Variants in EXOC3 observed in about 807,000 individuals in gnomAD.
The protein encoded by EXOC3 is SEC6-like 1.
Under a neutral mutation model 73.7 loss-of-function variants are expected in EXOC3, and 21 were observed. That is an observed-to-expected ratio of 0.29 (90% CI 0.20 to 0.41). The LOEUF (loss-of-function observed/expected upper bound fraction) is 0.41. EXOC3 is among the 10% of genes least tolerant of loss of function. The probability of loss-of-function intolerance (pLI) is 1.00; values close to 1 mark genes in which losing one functional copy is unlikely to be tolerated. For missense variants in EXOC3, 842 were observed against 985.1 expected, an observed-to-expected ratio of 0.85 and a Z score of 1.95; for synonymous variants, 410 against 389.1, an observed-to-expected ratio of 1.05 and a Z score of -0.63.
chr5:465,381 A>G (rs1332723257), intron 11 of EXOC3, 109 bp downstream of exon 11: 13 of 1,282,828 alleles, frequency 1.0e-5, no homozygotes, highest in Non-Finnish European at 1.2e-5. Flanking sequence ...TGTGTTTGTC[A>G]GGCGGGGGGA....
Position 447,703 on chromosome 5 carries a change from G to A in EXOC3, c.315G>A (p.Gln105=). The part of the protein sequence containing the change: ...SLKDVKDAVV[Q]HSQLAAAVEN... Reference sequence around the variant, plus strand: ...AGGACGTCAAAGACGCCGTGGTGCAGCACAGCCAGCTCGCCGCAGCCGTGG... The same window carrying A: ...AGGACGTCAAAGACGCCGTGGTGCAACACAGCCAGCTCGCCGCAGCCGTGG... The change falls in exon 3 of 13, where the codon CAG becomes CAA. Residue 105 remains glutamine, a synonymous_variant. Transcript: ENST00000512944. 1 of 1,588,032 alleles carries A rather than the reference G, an allele frequency of 6.3e-7. No individual in the cohort carries two copies.
Position 465,732 on chromosome 5 carries a change from C to T in EXOC3, c.1953C>T (p.Asp651=), listed in dbSNP as rs372926707. Residue 651 remains aspartate, a synonymous_variant, in exon 12 of 13, where the codon GAC becomes GAT. Coordinates refer to ENST00000512944, the MANE Select transcript of EXOC3 (RefSeq NM_007277.5). ...CTGCCTTCCAGGGTTTCGGGGAAGA[C>T]GTGGACGGATACTGCGACACCATCG... is the stretch of plus-strand genomic sequence containing the variant. The part of the protein sequence containing the change: ...FRKLASGFGE[D]VDGYCDTIVA... 1.4e-5 allele frequency: 23 copies of T among 1,613,722 alleles called. 1 individual carries two copies. Among genetic ancestry groups the T allele is most frequent in the Non-Finnish European group, 1.9e-5 (22 of 1,179,862 alleles).
At chr5:454,578 G>A (rs144194574) in intron 4 of EXOC3, among the ~76,000 whole-genome samples, 6 of 152,320 alleles carry the variant, frequency 3.9e-5, no homozygotes, top group African/African-American at 1.4e-4. Context: ...TAGATAGTTC[G>A]AGGAAACTCC....
chr5:447,848 G>A (rs1737550985), intron 3 of EXOC3, 96 bp downstream of exon 3: 1 of 785,110 alleles, frequency 1.3e-6, no homozygotes, highest in Non-Finnish European at 2.0e-6. Context: ...AGCCCGCACT[G>A]TAGACCTGTA....
Position 445,418 on chromosome 5 carries a change from C to T in EXOC3, c.-56-732C>T, listed in dbSNP as rs575446247. ...AGGCTGGAGTGCAGTGGCGCGATCTCGGCTGACTGCAAGCTCCGCCTCCGG... is the reference window on the plus strand; with the variant it reads ...AGGCTGGAGTGCAGTGGCGCGATCTTGGCTGACTGCAAGCTCCGCCTCCGG... On this transcript the variant is annotated intron_variant, in intron 1 of 12. Transcript: ENST00000512944. Among the ~76,000 whole-genome samples the T allele has an allele frequency of 6.8e-5, 10 of 147,080 alleles. No individual in the cohort carries two copies. The East Asian group carries it at 9.9e-4, about 15-fold the overall frequency.
intron 1 of EXOC3, among the ~76,000 whole-genome samples, chr5:444,553 G>T (rs552993239): frequency 6.6e-6 from 1 of 152,350 alleles, no homozygotes; most frequent in South Asian, 2.1e-4. Flanking sequence ...AAATGCTGAT[G>T]ATAATGTCCA....
intron 9 of EXOC3, 101 bp from the exon 10 acceptor site, chr5:464,189 C>CTG: frequency 8.5e-7 from 1 of 1,174,012 alleles, no homozygotes; most frequent in Non-Finnish European, 1.2e-6. Flanking sequence ...GCACGCAGCT[C>CTG]TCGTGGGGCG....
At chr5:462,337 T>C (rs770675110) in intron 9 of EXOC3, 30 bp downstream of exon 9, 3 of 1,613,368 alleles carry the variant, frequency 1.9e-6, no homozygotes. Context: ...CCTGCCGTTT[T>C]CTGGGCCGAA....
Position 462,274 on chromosome 5 carries a change from C to T in EXOC3, c.1620C>T (p.Ser540=), listed in dbSNP as rs765603186. 7.4e-6 allele frequency: 12 copies of T among 1,613,848 alleles called. No homozygotes were observed. Among genetic ancestry groups the T allele is most frequent in the South Asian group, 1.1e-5 (1 of 91,088 alleles). ...ILDAIAKEGC[S]GLLEEVFLDL... ...ACGCCATCGCGAAGGAGGGCTGCAGCGGTTTGCTGGAGGAGGTCTTCCTGG... is the reference window on the plus strand; with the variant it reads ...ACGCCATCGCGAAGGAGGGCTGCAGTGGTTTGCTGGAGGAGGTCTTCCTGG... Residue 540 remains serine, a synonymous_variant, in exon 9 of 13, where the codon AGC becomes AGT. Coordinates refer to ENST00000512944, the MANE Select transcript of EXOC3 (RefSeq NM_007277.5).
chr5:444,006 C>A (rs79703785), intron 1 of EXOC3, among the ~76,000 whole-genome samples: 2,876 of 152,016 alleles, frequency 0.019, 92 homozygotes, highest in African/African-American at 0.063. Flanking sequence ...CACAGGTGTT[C>A]CCCTCGGCGC....
In EXOC3 at chr5:465,844, AG is replaced by A. The variant is rs1192461315; in HGVS notation, c.2066+1del. On this transcript the variant is annotated frameshift_variant and splice_region_variant, in exon 12 of 13. Coordinates refer to ENST00000512944, the MANE Select transcript of EXOC3 (RefSeq NM_007277.5). LOFTEE classifies it high-confidence loss of function. ...STLVSKYPDIRDDHIGALLAV... is the reference protein window; with the variant it reads ...STLVSKYPDIXDDHIGALLAV... ...TCTGGTCAGCAAGTATCCAGACATCAGGTAAGGGATGCACGTCTTAGAATCC... is the reference window on the plus strand; with the variant it reads ...TCTGGTCAGCAAGTATCCAGACATCAGTAAGGGATGCACGTCTTAGAATCC... 1 of 1,609,096 alleles carries A rather than the reference AG, an allele frequency of 6.2e-7. No homozygotes were observed. The highest frequency in any genetic ancestry group is 8.5e-7 in the Non-Finnish European group (1 of 1,177,792).
At position 464,452 on chromosome 5, in the gene EXOC3, T is replaced by A; in HGVS notation, c.1776+40T>A. 2 of 1,605,558 alleles carry A rather than the reference T, an allele frequency of 1.2e-6. 1 individual carries two copies. The highest frequency in any genetic ancestry group is 1.7e-6 in the Non-Finnish European group (2 of 1,174,408). On this transcript the variant is annotated intron_variant, in intron 10 of 12. Transcript: ENST00000512944. The stretch of plus-strand genomic sequence containing the variant: ...CCTAGTTCCCTCATCACCTTGACGC[T>A]AGGGCTCACCTCTCACCCTGCTCAG...
chr5:462,321 T>C lies in EXOC3; in HGVS notation c.1653+14T>C. On this transcript the variant is annotated intron_variant, in intron 9 of 12. Coordinates refer to ENST00000512944, the MANE Select transcript of EXOC3 (RefSeq NM_007277.5). ...CTGGACCTGGAGGTGGGCCTGGCTC[T>C]TTCCTCCTGCCGTTTTCTGGGCCGA... 6.2e-7 allele frequency: 1 copy of C among 1,613,748 alleles called. No individual in the cohort carries two copies. The highest frequency in any genetic ancestry group is 8.5e-7 in the Non-Finnish European group (1 of 1,179,788).
At chr5:456,679 G>A (rs1276219584) in intron 4 of EXOC3, among the ~76,000 whole-genome samples, 3 of 151,298 alleles carry the variant, frequency 2.0e-5, no homozygotes, top group East Asian at 1.9e-4. Flanking sequence ...AGGGACTCAC[G>A]CAGTCTGGGA....
At position 446,337 on chromosome 5, in the gene EXOC3, G is replaced by A. The variant is rs1737505120; in HGVS notation, c.132G>A (p.Glu44=). Residue 44 remains glutamate (E), a synonymous_variant, in exon 2 of 13, where the codon GAG becomes GAA. Coordinates refer to ENST00000512944, the MANE Select transcript of EXOC3 (RefSeq NM_007277.5). Reference sequence around the variant, plus strand: ...AAGCGCGGAAGAAGGCCTCCGTGGAGGCCAGATTGAAGGTGAGGCCACCTG... The same window carrying A: ...AAGCGCGGAAGAAGGCCTCCGTGGAAGCCAGATTGAAGGTGAGGCCACCTG... The part of the protein sequence containing the change: ...RREARKKASV[E]ARLKAAIQSQ... The A allele has an allele frequency of 6.2e-7, 1 of 1,605,700 alleles. No individual in the cohort carries two copies. The highest frequency in any genetic ancestry group is 1.3e-5 in the African/African-American group (1 of 74,738).
rs776096698 is a variant in EXOC3 at position 457,929 on chromosome 5, G to A, written c.1194G>A (p.Ala398=). 14 of 1,609,994 alleles carry A rather than the reference G, an allele frequency of 8.7e-6. No homozygotes were observed. Among genetic ancestry groups the A allele is most frequent in the Middle Eastern group, 1.6e-4 (1 of 6,084 alleles). Residue 398 remains alanine, a synonymous_variant, in exon 6 of 13, where the codon GCG becomes GCA. Transcript: ENST00000512944. The stretch of plus-strand genomic sequence containing the variant: ...ACATCATCGCCTGGCTGCGGAAAGC[G>A]CTGGAGACAGACAAGAAAGACTGGG... ...TSNIIAWLRK[A]LETDKKDWVK... is the part of the protein sequence containing the mutation.
chr5:443,229 G>GGCGGCGGC lies in EXOC3; in HGVS notation c.-117_-116insCGGCGGCG, dbSNP rs1737383001. 7.2e-6 allele frequency: 1 copy of GGCGGCGGC among 138,814 alleles called. No individual in the cohort carries two copies. Among genetic ancestry groups the GGCGGCGGC allele is most frequent in the Non-Finnish European group, 1.7e-5 (1 of 59,068 alleles). 8.6% of individuals were successfully genotyped at this position (138,814 alleles called of 1,614,324 possible). ...GCAGCGAAGGCGGAGGGGGCGGCGGGGGCGGCGGCGGCGGCGGCGGCGGCG... is the reference window on the plus strand; with the variant it reads ...GCAGCGAAGGCGGAGGGGGCGGCGGGGCGGCGGCGGCGGCGGCGGCGGCGGCGGCGGCG... On this transcript the variant is annotated 5_prime_UTR_variant, in exon 1 of 13. Transcript: ENST00000512944.
rs1579737399 is a variant in EXOC3, at chr5:453,949, A to G, written c.944A>G (p.Tyr315Cys). The G allele has an allele frequency of 1.9e-6, 3 of 1,613,900 alleles. No individual in the cohort carries two copies. The highest frequency in any genetic ancestry group is 2.2e-5 in the South Asian group (2 of 91,090). The change falls in exon 4 of 13, where the codon TAC becomes TGC. Residue 315 changes from tyrosine (Y) to cysteine (C), a missense_variant. Coordinates refer to ENST00000512944, the MANE Select transcript of EXOC3 (RefSeq NM_007277.5). ...YEIFKNLLNM[Y>C]HQALSTRMQD... ...ATCTTTAAGAACCTCCTGAACATGTACCACCAAGCCCTGAGCACGCGGATG... is the reference window on the plus strand; with the variant it reads ...ATCTTTAAGAACCTCCTGAACATGTGCCACCAAGCCCTGAGCACGCGGATG...
At position 462,289 on chromosome 5, in the gene EXOC3, G is replaced by C; in HGVS notation, c.1635G>C (p.Glu545Asp). 6.2e-7 allele frequency: 1 copy of C among 1,613,966 alleles called. No homozygotes were observed. The highest frequency in any genetic ancestry group is 1.1e-5 in the South Asian group (1 of 91,092). ...AGGGCTGCAGCGGTTTGCTGGAGGA[G>C]GTCTTCCTGGACCTGGAGGTGGGCC... The part of the protein sequence containing the change: ...AKEGCSGLLE[E>D]VFLDLEQHLN... The change falls in exon 9 of 13, where the codon GAG (glutamate) becomes GAC (aspartate). Residue 545 changes from glutamate (E) to aspartate (D), a missense_variant. By Grantham distance (45) the Glu-to-Asp change is conservative. Transcript: ENST00000512944.
Sources: gnomAD v4.1 joint callset for allele counts (sites outside exome capture counted in the v4.1 genomes callset) on GRCh38, gnomAD v4.1.1 for gene constraint, MANE v1.5 for transcripts, NCBI Gene and HGNC (gene_info 2026-07-23, HGNC 2026-07-21) for gene names.